GALNT13: variants seen among roughly 807,000 people sequenced by gnomAD.
GALNT13 encodes the protein UDP-GalNAc:polypeptide N-acetylgalactosaminyltransferase 13.
In GALNT13, 28 loss-of-function variants were observed where a neutral mutation model predicts 64.2. The ratio of observed to expected loss-of-function variants is 0.44; its 90% CI spans 0.32 to 0.60. The LOEUF is 0.60. Among genes scored for constraint, GALNT13 ranks in the 20% least tolerant of loss-of-function variants. GALNT13 has a pLI of 0.05. For synonymous variants in GALNT13, 214 were observed against 224.6 expected (o/e 0.95, Z 0.42); for missense variants, 577 against 669.8 (o/e 0.86, Z 1.53).
chr2:153,346,484 C>A, the GALNT13 span, among the ~76,000 whole-genome samples: 1 of 152,088 alleles, frequency 6.6e-6, no homozygotes, highest in African/African-American at 2.4e-5. Flanking sequence ...GCCAAAAGTT[C>A]TCTCCATGTG....
At chr2:153,686,955 A>G in the GALNT13 span, among the ~76,000 whole-genome samples, 12 of 151,998 alleles carry the variant, frequency 7.9e-5, no homozygotes, top group Non-Finnish European at 1.2e-4. Context: ...ATTGATTTGC[A>G]TATGTTAAGC....
chr2:153,409,362 A>G, the GALNT13 span, among the ~76,000 whole-genome samples: 7 of 149,608 alleles, frequency 4.7e-5, no homozygotes, highest in African/African-American at 1.7e-4. Flanking sequence ...GTATATGTAT[A>G]TATTCATATG....
chr2:153,893,627 A>C (rs1015459636), intron 1 of GALNT13, among the ~76,000 whole-genome samples: 2 of 151,968 alleles, frequency 1.3e-5, no homozygotes, highest in South Asian at 2.1e-4. Flanking sequence ...TATTCTCCAT[A>C]TTATTTTAGA....
chr2:153,558,780 A>C, the GALNT13 span, among the ~76,000 whole-genome samples: 1 of 152,192 alleles, frequency 6.6e-6, no homozygotes, highest in Non-Finnish European at 1.5e-5. Context: ...ATTATGTGCT[A>C]TAGCTCCACT....
At chr2:153,391,776 A>C in the GALNT13 span, among the ~76,000 whole-genome samples, 13 of 151,898 alleles carry the variant, frequency 8.6e-5, no homozygotes, top group African/African-American at 2.4e-4. Flanking sequence ...TTTTACTCAC[A>C]GATTTGGTTT....
At chr2:153,951,299 G>A (rs1005377828) in intron 3 of GALNT13, among the ~76,000 whole-genome samples, 2 of 152,144 alleles carry the variant, frequency 1.3e-5, no homozygotes, top group African/African-American at 4.8e-5. Flanking sequence ...AAAAATCAAA[G>A]CAAACAGGAT....
chr2:153,399,551 C>T, the GALNT13 span, among the ~76,000 whole-genome samples: 2 of 152,164 alleles, frequency 1.3e-5, no homozygotes, highest in African/African-American at 4.8e-5. Context: ...TCTTCCTACC[C>T]ATGAGCATGG....
At chr2:153,528,234 A>C in the GALNT13 span, among the ~76,000 whole-genome samples, 1 of 152,050 alleles carries the variant, frequency 6.6e-6, no homozygotes, top group East Asian at 1.9e-4. Flanking sequence ...GGATGGAAGA[A>C]GATATTCCAT....
chr2:153,644,067 A>C, the GALNT13 span, among the ~76,000 whole-genome samples: 2 of 152,090 alleles, frequency 1.3e-5, no homozygotes, highest in South Asian at 4.2e-4. Flanking sequence ...AGTATGGTAA[A>C]ATAAGAAAAG....
chr2:153,428,298 C>T, the GALNT13 span, among the ~76,000 whole-genome samples: 1 of 152,072 alleles, frequency 6.6e-6, no homozygotes, highest in Non-Finnish European at 1.5e-5. Context: ...AGGTTTTACT[C>T]ATCACAGAAG....
chr2:153,405,092 C>T, the GALNT13 span, among the ~76,000 whole-genome samples: 1 of 152,158 alleles, frequency 6.6e-6, no homozygotes, highest in Non-Finnish European at 1.5e-5. Context: ...ACACATAAGA[C>T]TGGTAAGTTT....
chr2:153,743,920 G>C, the GALNT13 span, among the ~76,000 whole-genome samples: 3 of 151,888 alleles, frequency 2.0e-5, no homozygotes, highest in Non-Finnish European at 4.4e-5. Flanking sequence ...GTGAGAATAG[G>C]CCTGTTCGTC....
the GALNT13 span, among the ~76,000 whole-genome samples, chr2:153,508,063 A>AG: frequency 2.6e-5 from 4 of 152,170 alleles, no homozygotes; most frequent in Admixed American, 6.5e-5. Context: ...CACCTGCTCC[A>AG]GTGGAGGCAG....
the GALNT13 span, among the ~76,000 whole-genome samples, chr2:153,436,850 C>T: frequency 1.8e-4 from 28 of 152,194 alleles, no homozygotes; most frequent in South Asian, 5.2e-3. Context: ...ATCTTAGTTA[C>T]TTCTTGCCTT....
the GALNT13 span, among the ~76,000 whole-genome samples, chr2:153,434,911 A>G: frequency 1.3e-5 from 2 of 152,122 alleles, no homozygotes; most frequent in Non-Finnish European, 2.9e-5. Context: ...GCCCATGCCT[A>G]TGTCCTGAAT....
chr2:153,300,888 C>A, the GALNT13 span, among the ~76,000 whole-genome samples: 1 of 152,164 alleles, frequency 6.6e-6, no homozygotes, highest in South Asian at 2.1e-4. Context: ...TTGAAATAAT[C>A]AATCTTATGA....
the GALNT13 span, among the ~76,000 whole-genome samples, chr2:153,553,532 A>T: frequency 3.3e-5 from 5 of 152,338 alleles, no homozygotes; most frequent in Admixed American, 1.3e-4. Context: ...TTATTGGATG[A>T]GAGCAGGTCA....
intron 4 of GALNT13, among the ~76,000 whole-genome samples, chr2:154,198,732 C>A (rs1175499569): frequency 1.3e-5 from 2 of 151,818 alleles, no homozygotes; most frequent in Non-Finnish European, 2.9e-5. Flanking sequence ...GACCCAGTAA[C>A]AAATTAGAAT....
At chr2:153,125,812 GA>G in the GALNT13 span, among the ~76,000 whole-genome samples, 1 of 152,114 alleles carries the variant, frequency 6.6e-6, no homozygotes. Flanking sequence ...ATTGAACTTA[GA>G]ATATCTTTAA....
Sources: allele counts gnomAD v4.1 joint callset (sites outside exome capture counted in the v4.1 genomes callset), GRCh38; gene constraint gnomAD v4.1.1; transcripts MANE v1.5; gene names NCBI Gene and HGNC (gene_info 2026-07-23, HGNC 2026-07-21).